Variants in CCDC73 observed in about 807,000 individuals in gnomAD.
CCDC73 encodes the protein coiled-coil domain-containing protein 73.
In CCDC73, 95 loss-of-function variants were observed where a neutral mutation model predicts 116.5. The observed-to-expected ratio is 0.82, with a 90% CI of 0.69 to 0.97. The LOEUF is 0.97. CCDC73 is among the 50% of genes least tolerant of loss of function. The pLI is 0.00. For synonymous variants in CCDC73, 398 were observed against 401.3 expected, an observed-to-expected ratio of 0.99 and a Z score of 0.10; for missense variants, 1,066 against 1,206.8, an observed-to-expected ratio of 0.88 and a Z score of 1.73.
intron 2 of CCDC73, among the ~76,000 whole-genome samples, chr11:32,742,333 T>C (rs1850195663): frequency 6.6e-6 from 1 of 152,236 alleles, no homozygotes; most frequent in Admixed American, 6.5e-5. Flanking sequence ...TTCTGACTTT[T>C]TAATGATCAC....
chr11:32,718,318 A>G (rs1031300893), intron 2 of CCDC73, among the ~76,000 whole-genome samples, 171 bp from the exon 3 acceptor site: 3 of 152,240 alleles, frequency 2.0e-5, no homozygotes, highest in African/African-American at 7.2e-5. Context: ...CTGAGGTCCC[A>G]GATCAATCAA....
At chr11:32,633,215 T>C (rs1249259500) in intron 14 of CCDC73, among the ~76,000 whole-genome samples, 1 of 152,084 alleles carries the variant, frequency 6.6e-6, no homozygotes, top group Non-Finnish European at 1.5e-5. Flanking sequence ...ACCTGGTTCT[T>C]TGAAAAGATC....
At position 32,654,824 on chromosome 11, in the gene CCDC73, A is replaced by G; in HGVS notation, c.774+20T>C. The stretch of plus-strand genomic sequence containing the variant: ...TATTGAAAATATTAATGTTATAAAC[A>G]AATACATTTAATAAAATACCATGTT... On this transcript the variant is annotated intron_variant, in intron 10 of 17. Coordinates refer to ENST00000335185, the MANE Select transcript of CCDC73 (RefSeq NM_001008391.4). 1 of 1,408,572 alleles carries G rather than the reference A, an allele frequency of 7.1e-7. No individual in the cohort carries two copies. Among genetic ancestry groups the G allele is most frequent in the South Asian group, 1.3e-5 (1 of 75,288 alleles). The allele number at this position is 1,408,572 out of a possible 1,614,324, so 87.3% of individuals were successfully genotyped here. A position where few individuals can be genotyped will look rare whatever the true frequency, so the allele number is the denominator to read the frequency against.
chr11:32,664,105 C>T (rs1487043286), intron 9 of CCDC73, among the ~76,000 whole-genome samples: 1 of 152,162 alleles, frequency 6.6e-6, no homozygotes, highest in Non-Finnish European at 1.5e-5. Flanking sequence ...AGGATTTTTG[C>T]ATCGATGTTC....
At chr11:32,694,799 A>C (rs1856293641) in intron 6 of CCDC73, among the ~76,000 whole-genome samples, 1 of 152,132 alleles carries the variant, frequency 6.6e-6, no homozygotes, top group South Asian at 2.1e-4. Context: ...CAAAAGATAT[A>C]AGTATGTCCA....
intron 12 of CCDC73, among the ~76,000 whole-genome samples, chr11:32,642,876 A>T (rs180732108): frequency 0.06 from 9,115 of 151,080 alleles, 310 homozygotes; most frequent in African/African-American, 0.088. Flanking sequence ...TTTTTTTTTT[A>T]AAAAAAGTAA....
At chr11:32,714,434 A>G (rs965298782) in intron 3 of CCDC73, among the ~76,000 whole-genome samples, 2 of 152,150 alleles carry the variant, frequency 1.3e-5, no homozygotes, top group South Asian at 2.1e-4. Flanking sequence ...TCACAAACAG[A>G]TAACAGTTGC....
intron 14 of CCDC73, among the ~76,000 whole-genome samples, chr11:32,620,965 CAA>C (rs1227995713): frequency 6.6e-6 from 1 of 152,076 alleles, no homozygotes; most frequent in African/African-American, 2.4e-5. Flanking sequence ...ATACAGCTAA[CAA>C]GAGACGTGAA....
At chr11:32,680,404 T>C (rs866538680) in intron 7 of CCDC73, 1 of 152,176 alleles carries the variant, frequency 6.6e-6, no homozygotes, top group Non-Finnish European at 1.5e-5. Context: ...GTAGTTTTAC[T>C]ATCAAATGCA....
At chr11:32,663,095 G>C (rs1408177001) in intron 9 of CCDC73, among the ~76,000 whole-genome samples, 1 of 152,176 alleles carries the variant, frequency 6.6e-6, no homozygotes, top group Admixed American at 6.5e-5. Context: ...CTGTAGCCTT[G>C]TAGTATAGTT....
chr11:32,697,481 C>CTTTTTTTT (rs771837421), intron 6 of CCDC73, among the ~76,000 whole-genome samples: 77 of 108,752 alleles, frequency 7.1e-4, no homozygotes, highest in East Asian at 1.1e-3. Context: ...TCTCTTTATT[C>CTTTTTTTT]TTTTTTTTTT....
In CCDC73 at chr11:32,614,509, T is replaced by C; in HGVS notation, c.1809A>G (p.Gln603=). 13 of 1,613,404 alleles carry C rather than the reference T, an allele frequency of 8.1e-6. No homozygotes were observed. Among genetic ancestry groups the C allele is most frequent in the Non-Finnish European group, 1.1e-5 (13 of 1,179,590 alleles). ...CTCGAGTCCCTGGAAGCAATCTGAA[T>C]TGTTTGAATGGCTCATTTTCAGAAA... ...KDVSENEPFK[Q]FRLLPGTREH... The change falls in exon 16 of 18, where the codon CAA becomes CAG. Residue 603 remains glutamine (Q), a synonymous_variant. Transcript: ENST00000335185.
Position 32,613,994 on chromosome 11 carries a change from G to T in CCDC73, c.2324C>A (p.Ser775Tyr). Residue 775 changes from serine to tyrosine, a missense_variant, in exon 16 of 18, where the codon TCC (serine) becomes TAC (tyrosine). Physicochemically the swap from Ser to Tyr is moderately radical, Grantham distance 144 (BLOSUM62 -2). Transcript: ENST00000335185. ...GYLENTNVNI[S>Y]HLHLNNENSH... Reference sequence around the variant, plus strand: ...ATTCTCATTGTTAAGATGAAGATGGGAAATGTTCACATTAGTGTTTTCTAA... The same window carrying T: ...ATTCTCATTGTTAAGATGAAGATGGTAAATGTTCACATTAGTGTTTTCTAA... The T allele has an allele frequency of 1.2e-6, 2 of 1,610,902 alleles. No homozygotes were observed. Among genetic ancestry groups the T allele is most frequent in the Non-Finnish European group, 8.5e-7 (1 of 1,179,632 alleles).
the CCDC73 span, among the ~76,000 whole-genome samples, chr11:32,803,279 C>T: frequency 2.0e-5 from 3 of 152,082 alleles, no homozygotes; most frequent in Admixed American, 6.5e-5. Context: ...TTAGTAGACA[C>T]GGGGCTTCAC....
intron 1 of CCDC73, among the ~76,000 whole-genome samples, chr11:32,782,141 A>C (rs972362457): frequency 3.3e-5 from 5 of 152,194 alleles, no homozygotes; most frequent in Non-Finnish European, 5.9e-5. Context: ...TCACCCCCAG[A>C]TGGGACAGCA....
intron 9 of CCDC73, among the ~76,000 whole-genome samples, chr11:32,664,638 T>C (rs1855963203): frequency 6.6e-6 from 1 of 152,220 alleles, no homozygotes; most frequent in African/African-American, 2.4e-5. Context: ...GCTGCTGCAT[T>C]CAATGATATT....
rs1850378096 is a variant in CCDC73 at position 32,760,066 on chromosome 11, C to A, written c.135+43G>T. On this transcript the variant is annotated intron_variant, in intron 2 of 17. Coordinates refer to ENST00000335185, the MANE Select transcript of CCDC73 (RefSeq NM_001008391.4). The stretch of plus-strand genomic sequence containing the variant: ...TAAAAAACAATAAACTGAACAAAAT[C>A]AAGTTTTCTTATTTAACAAAAGCAT... The A allele has an allele frequency of 2.7e-6, 4 of 1,483,230 alleles. No homozygotes were observed. The South Asian group carries it at 3.7e-5, about 14-fold the overall frequency. 91.9% of individuals were successfully genotyped at this position (1,483,230 alleles called of 1,614,324 possible). A position where few individuals can be genotyped will look rare whatever the true frequency, so the allele number is the denominator to read the frequency against.
intron 16 of CCDC73, among the ~76,000 whole-genome samples, chr11:32,612,666 G>A (rs1195998760): frequency 6.6e-6 from 1 of 151,950 alleles, no homozygotes; most frequent in Non-Finnish European, 1.5e-5. Flanking sequence ...CAGCCTGGGA[G>A]GTTAAAGTTG....
intron 6 of CCDC73, among the ~76,000 whole-genome samples, chr11:32,697,675 G>T (rs1472532287): frequency 6.6e-6 from 1 of 151,518 alleles, no homozygotes; most frequent in Non-Finnish European, 1.5e-5. Context: ...GTAGAGACGG[G>T]GTTTCACCAT....
Sources: allele counts gnomAD v4.1 joint callset (sites outside exome capture counted in the v4.1 genomes callset), GRCh38; gene constraint gnomAD v4.1.1; transcripts MANE v1.5; gene names NCBI Gene and HGNC (gene_info 2026-07-23, HGNC 2026-07-21).